The following BMP8B variants were observed in gnomAD, a reference collection of about 807,000 sequenced individuals.
BMP8B encodes the protein bone morphogenetic protein 8b, also known as bone morphogenetic protein 8 (osteogenic protein 2).
In BMP8B, 17 loss-of-function variants were observed where a neutral mutation model predicts 30.3. The observed-to-expected ratio is 0.56, with a 90% CI of 0.38 to 0.84. The LOEUF (loss-of-function observed/expected upper bound fraction) is 0.84, where lower values mean the gene tolerates loss of function less well. Among genes scored for constraint, BMP8B ranks in the 40% least tolerant of loss-of-function variants. The probability of loss-of-function intolerance (pLI) is 0.00; values close to 1 mark genes in which losing one functional copy is unlikely to be tolerated. For synonymous variants in BMP8B, 131 were observed against 214.7 expected, an observed-to-expected ratio of 0.61 and a Z score of 3.41; for missense variants, 253 against 494.6, an observed-to-expected ratio of 0.51 and a Z score of 4.63.
chr1:39,778,763 T>A (rs1650410704), intron 1 of BMP8B, among the ~76,000 whole-genome samples: 1 of 152,026 alleles, frequency 6.6e-6, no homozygotes, highest in Non-Finnish European at 1.5e-5. Context: ...TCCAGTGAAA[T>A]CCCGGGAAAG....
At chr1:39,787,472 A>G (rs1289999007) in intron 1 of BMP8B, among the ~76,000 whole-genome samples, 4 of 152,206 alleles carry the variant, frequency 2.6e-5, no homozygotes, top group Non-Finnish European at 5.9e-5. Flanking sequence ...ATATTTGCAG[A>G]CAGGAAAAGC....
At position 39,768,560 on chromosome 1, in the gene BMP8B, G is replaced by A. The variant is rs185854720; in HGVS notation, c.674-3743C>T. Among the ~76,000 whole-genome samples the A allele has an allele frequency of 3.6e-4, 54 of 148,084 alleles. 1 individual carries two copies. The highest frequency in any genetic ancestry group is 9.2e-4 in the African/African-American group (36 of 39,106). Reference sequence around the variant, plus strand: ...GGCCCCAGAAGAAATACCAGATAACGGATAAAAACGTTCAAGAAGGCTGGG... The same window carrying A: ...GGCCCCAGAAGAAATACCAGATAACAGATAAAAACGTTCAAGAAGGCTGGG... On this transcript the variant is annotated intron_variant, in intron 3 of 6. Coordinates refer to ENST00000372827, the MANE Select transcript of BMP8B (RefSeq NM_001720.5).
chr1:39,769,851 C>T (rs752977074), intron 3 of BMP8B: 12 of 1,612,228 alleles, frequency 7.4e-6, no homozygotes, highest in Non-Finnish European at 1.0e-5. Flanking sequence ...ACGGCCTTCT[C>T]GGTGATGATG....
intron 3 of BMP8B, among the ~76,000 whole-genome samples, chr1:39,765,967 T>G (rs1435435498): frequency 6.7e-6 from 1 of 149,280 alleles, no homozygotes; most frequent in African/African-American, 2.5e-5. Flanking sequence ...CCTGGGAGGT[T>G]GAGGCTGCAG....
chr1:39,782,828 C>T (rs566511459), intron 1 of BMP8B, among the ~76,000 whole-genome samples: 28 of 151,958 alleles, frequency 1.8e-4, no homozygotes, highest in African/African-American at 6.7e-4. Flanking sequence ...ATGATACAGG[C>T]ATTATTATTA....
intron 1 of BMP8B, among the ~76,000 whole-genome samples, chr1:39,781,069 T>C (rs4660989): frequency 0.14 from 21,829 of 152,258 alleles, 1,960 homozygotes; most frequent in Middle Eastern, 0.29. Flanking sequence ...TGGGCTTCTC[T>C]TTCTCAGTAA....
In BMP8B at chr1:39,760,003, G is replaced by C. The variant is rs1020497216; in HGVS notation, c.*416C>G. On this transcript the variant is annotated 3_prime_UTR_variant, in exon 7 of 7. Coordinates refer to ENST00000372827, the MANE Select transcript of BMP8B (RefSeq NM_001720.5). ...ACTACACACACCACACCCTGTGATG[G>C]ATGGTGAAGAGCTCAAGGTGGCCAA... 3 of 225,210 alleles carry C rather than the reference G, an allele frequency of 1.3e-5. No homozygotes were observed. The highest frequency in any genetic ancestry group is 2.3e-5 in the African/African-American group (1 of 43,990). The allele number at this position is 225,210 out of a possible 1,614,324, so 14.0% of individuals were successfully genotyped here. A position where few individuals can be genotyped will look rare whatever the true frequency, so the allele number is the denominator to read the frequency against.
At chr1:39,787,924 C>A (rs1459278895) in intron 1 of BMP8B, among the ~76,000 whole-genome samples, 1 of 152,152 alleles carries the variant, frequency 6.6e-6, no homozygotes, top group Non-Finnish European at 1.5e-5. Context: ...GTGAAGGCAG[C>A]GCCTGGGAGT....
intron 6 of BMP8B, chr1:39,762,256 A>C: frequency 5.2e-6 from 2 of 381,780 alleles, no homozygotes; most frequent in Non-Finnish European, 4.7e-6. Context: ...TTTTAGAGAC[A>C]GGGTTTTGCT....
chr1:39,780,745 A>C (rs990454626), intron 1 of BMP8B, among the ~76,000 whole-genome samples: 1 of 152,204 alleles, frequency 6.6e-6, no homozygotes, highest in South Asian at 2.1e-4. Flanking sequence ...ATGTTTAAAA[A>C]TTATCTGGGC....
At chr1:39,775,986 A>G (rs1650200368) in intron 1 of BMP8B, among the ~76,000 whole-genome samples, 1 of 152,302 alleles carries the variant, frequency 6.6e-6, no homozygotes, top group Non-Finnish European at 1.5e-5. Flanking sequence ...AGGCGCCCAC[A>G]GGTCAGCGAT....
chr1:39,767,422 AGT>A (rs1393412059), intron 3 of BMP8B, among the ~76,000 whole-genome samples: 1 of 142,886 alleles, frequency 7.0e-6, no homozygotes, highest in African/African-American at 2.5e-5. Context: ...GGGGACTAAC[AGT>A]GGGTCTGGGT....
chr1:39,763,060 A>C (rs756417223), intron 6 of BMP8B, 32 bp downstream of exon 6: 1 of 1,604,342 alleles, frequency 6.2e-7, no homozygotes, highest in Non-Finnish European at 8.5e-7. Context: ...CCCCCACCCC[A>C]GGGGGCTGGG....
chr1:39,778,081 T>C (rs1557486885), intron 1 of BMP8B, among the ~76,000 whole-genome samples: 1 of 152,246 alleles, frequency 6.6e-6, no homozygotes, highest in Non-Finnish European at 1.5e-5. Context: ...GGCTCGCACG[T>C]CAACTCATCG....
chr1:39,761,766 G>A (rs1170097222), intron 6 of BMP8B, among the ~76,000 whole-genome samples: 1 of 152,156 alleles, frequency 6.6e-6, no homozygotes, highest in Non-Finnish European at 1.5e-5. Context: ...GAGAGGCCAG[G>A]CCCAGTCTCT....
intron 1 of BMP8B, among the ~76,000 whole-genome samples, chr1:39,787,746 T>G (rs1205368478): frequency 1.3e-5 from 2 of 151,994 alleles, no homozygotes; most frequent in Non-Finnish European, 2.9e-5. Flanking sequence ...TGACCACAGG[T>G]TTCCACGCTG....
chr1:39,769,550 G>C (rs1447051143), intron 3 of BMP8B: 1 of 1,128,450 alleles, frequency 8.9e-7, no homozygotes, highest in Non-Finnish European at 1.2e-6. Flanking sequence ...TTTAATTAAA[G>C]TCGCAGCTCT....
At chr1:39,781,588 C>T (rs1650642491) in intron 1 of BMP8B, among the ~76,000 whole-genome samples, 2 of 152,208 alleles carry the variant, frequency 1.3e-5, no homozygotes, top group Non-Finnish European at 2.9e-5. Context: ...GCTCTCTGGG[C>T]AACAGACACT....
At chr1:39,778,402 C>T (rs199689100) in intron 1 of BMP8B, among the ~76,000 whole-genome samples, 3,893 of 151,544 alleles carry the variant, frequency 0.026, 98 homozygotes, top group East Asian at 0.12. Context: ...GGGGCAGGGG[C>T]ACTTCAGACC....
Sources: allele counts gnomAD v4.1 joint callset (sites outside exome capture counted in the v4.1 genomes callset), GRCh38; gene constraint gnomAD v4.1.1; transcripts MANE v1.5; gene names NCBI Gene and HGNC (gene_info 2026-07-23, HGNC 2026-07-21).